DKK2: variants seen among roughly 807,000 people sequenced by gnomAD.
DKK2 encodes the protein dickkopf Wnt signaling pathway inhibitor 2, also known as dickkopf-related protein 2.
Under a neutral mutation model 28.1 loss-of-function variants are expected in DKK2, and 11 were observed. The ratio of observed to expected loss-of-function variants is 0.39; its 90% confidence interval spans 0.25 to 0.65. The LOEUF is 0.65. DKK2 is among the 30% of genes least tolerant of loss of function. The pLI, the probability that DKK2 is intolerant of heterozygous loss-of-function variation, is 0.47. For synonymous variants in DKK2, 135 were observed against 126.5 expected, an observed-to-expected ratio of 1.07 and a Z score of -0.45; for missense variants, 326 against 335.5, an observed-to-expected ratio of 0.97 and a Z score of 0.22.
intron 1 of DKK2, among the ~76,000 whole-genome samples, chr4:106,982,320 G>T (rs1430891724): frequency 6.6e-6 from 1 of 152,142 alleles, no homozygotes; most frequent in Non-Finnish European, 1.5e-5. Context: ...GGGGAAGAAA[G>T]AAGTGCACAG....
intron 1 of DKK2, among the ~76,000 whole-genome samples, chr4:106,937,114 C>T (rs1281960205): frequency 1.3e-5 from 2 of 151,358 alleles, no homozygotes. Context: ...TCACACATAA[C>T]AATATTAACT....
At chr4:106,998,266 A>G (rs766007341) in intron 1 of DKK2, among the ~76,000 whole-genome samples, 9 of 152,152 alleles carry the variant, frequency 5.9e-5, no homozygotes, top group Non-Finnish European at 8.8e-5. Flanking sequence ...TTCTGTTTCA[A>G]TCTCAAAATG....
chr4:106,995,352 T>G (rs7690634), intron 1 of DKK2, among the ~76,000 whole-genome samples: 3 of 152,190 alleles, frequency 2.0e-5, no homozygotes, highest in Admixed American at 1.3e-4. Flanking sequence ...TATCTCAGAA[T>G]TGTCACCAAT....
chr4:106,978,579 A>G (rs1183575353), intron 1 of DKK2, among the ~76,000 whole-genome samples: 1 of 152,018 alleles, frequency 6.6e-6, no homozygotes, highest in Non-Finnish European at 1.5e-5. Context: ...GTACTGGTGG[A>G]TGCCCCTCCC....
Position 106,956,881 on chromosome 4 carries a change from C to T in DKK2, c.223-30932G>A, listed in dbSNP as rs972603839. 4.0e-5 allele frequency among the ~76,000 whole-genome samples: 6 copies of T among 150,750 alleles called. No homozygotes were observed. The East Asian group carries it at 7.8e-4, about 20-fold the overall frequency. ...TCTAAAACACCAAAAGCAATGGCAA[C>T]AAAAGCCAAAATTGACAAATGGGAT... On this transcript the variant is annotated intron_variant, in intron 1 of 3. Transcript: ENST00000285311.
intron 1 of DKK2, among the ~76,000 whole-genome samples, chr4:106,999,740 C>T (rs1723330730): frequency 6.6e-6 from 1 of 152,016 alleles, no homozygotes; most frequent in Non-Finnish European, 1.5e-5. Flanking sequence ...GATATGACTA[C>T]ATAACAAAAA....
At chr4:106,973,129 C>A (rs1416786863) in intron 1 of DKK2, among the ~76,000 whole-genome samples, 1 of 152,172 alleles carries the variant, frequency 6.6e-6, no homozygotes, top group Non-Finnish European at 1.5e-5. Flanking sequence ...TGTCTTTATC[C>A]ACTCTATCAT....
chr4:106,955,831 G>C (rs528813501), intron 1 of DKK2, among the ~76,000 whole-genome samples: 1 of 152,148 alleles, frequency 6.6e-6, no homozygotes, highest in African/African-American at 2.4e-5. Context: ...GTAAAGATTT[G>C]AAGTATATAT....
At position 107,019,459 on chromosome 4, in the gene DKK2, G is replaced by C. The variant is rs186967385; in HGVS notation, c.222+15911C>G. ...ACATAACAGAAGCTCACAGGGTTTA[G>C]GGAAGGTTAAGTGAGGCAACATAAA... On this transcript the variant is annotated intron_variant, in intron 1 of 3. Coordinates refer to ENST00000285311, the MANE Select transcript of DKK2 (RefSeq NM_014421.3). Among the ~76,000 whole-genome samples the C allele has an allele frequency of 1.7e-3, 254 of 152,028 alleles. 1 individual carries two copies. The highest frequency in any genetic ancestry group is 5.8e-3 in the African/African-American group (240 of 41,478).
chr4:106,947,383 C>T (rs1315832270), intron 1 of DKK2, among the ~76,000 whole-genome samples: 1 of 152,002 alleles, frequency 6.6e-6, no homozygotes, highest in Non-Finnish European at 1.5e-5. Flanking sequence ...GGTACCGTAC[C>T]CTGTGACAAC....
intron 1 of DKK2, among the ~76,000 whole-genome samples, chr4:106,985,732 C>T (rs1223882904): frequency 6.6e-6 from 1 of 150,648 alleles, no homozygotes; most frequent in Non-Finnish European, 1.5e-5. Flanking sequence ...TCACTTGAAC[C>T]TAGGAGGCAG....
chr4:106,969,564 T>C (rs540350763), intron 1 of DKK2, among the ~76,000 whole-genome samples: 2 of 152,086 alleles, frequency 1.3e-5, no homozygotes, highest in Non-Finnish European at 2.9e-5. Flanking sequence ...ACAGGAGTGA[T>C]ATTCTTTTCC....
In DKK2 at chr4:106,951,493, C is replaced by G. The variant is rs12505015; in HGVS notation, c.223-25544G>C. 8.5e-3 allele frequency among the ~76,000 whole-genome samples: 1,295 copies of G among 152,178 alleles called. 67 individuals are homozygous for G. The highest frequency in any genetic ancestry group is 0.073 in the Admixed American group (1,107 of 15,254). ...TGTGGCATATAGACACAATGCAATA[C>G]TATTCAGCCATAAAAAAGAATGAAA... On this transcript the variant is annotated intron_variant, in intron 1 of 3. Transcript: ENST00000285311.
At chr4:106,958,746 A>C (rs1188841657) in intron 1 of DKK2, among the ~76,000 whole-genome samples, 1 of 151,178 alleles carries the variant, frequency 6.6e-6, no homozygotes, top group East Asian at 2.0e-4. Flanking sequence ...CTGAGGCAGG[A>C]GAATCGCCTG....
intron 1 of DKK2, among the ~76,000 whole-genome samples, chr4:106,977,028 G>A (rs1009572030): frequency 6.6e-6 from 1 of 152,130 alleles, no homozygotes; most frequent in Non-Finnish European, 1.5e-5. Flanking sequence ...GAAATTGTGG[G>A]TTAAAAATTC....
intron 1 of DKK2, among the ~76,000 whole-genome samples, chr4:106,956,969 T>C (rs1217667190): frequency 6.6e-6 from 1 of 151,368 alleles, no homozygotes; most frequent in Non-Finnish European, 1.5e-5. Context: ...ACAGGCAACC[T>C]ACAAAATGGG....
At chr4:106,961,570 C>T (rs1159644032) in intron 1 of DKK2, among the ~76,000 whole-genome samples, 1 of 149,112 alleles carries the variant, frequency 6.7e-6, no homozygotes, top group African/African-American at 2.5e-5. Flanking sequence ...AGCCTGCACA[C>T]ACACACACAC....
chr4:107,023,685 A>T (rs1723729095), intron 1 of DKK2, among the ~76,000 whole-genome samples: 1 of 152,164 alleles, frequency 6.6e-6, no homozygotes, highest in African/African-American at 2.4e-5. Context: ...AATTTACCAC[A>T]CTAATGCAAA....
At chr4:106,936,977 G>T (rs1454640942) in intron 1 of DKK2, among the ~76,000 whole-genome samples, 3 of 151,946 alleles carry the variant, frequency 2.0e-5, no homozygotes. Flanking sequence ...CGCTAAACAT[G>T]GAAAGGAACA....
Sources: gnomAD v4.1 joint callset for allele counts (sites outside exome capture counted in the v4.1 genomes callset) on GRCh38, gnomAD v4.1.1 for gene constraint, MANE v1.5 for transcripts, NCBI Gene and HGNC (gene_info 2026-07-23, HGNC 2026-07-21) for gene names.